STX8: variants seen among roughly 807,000 people sequenced by gnomAD.
STX8 encodes the protein syntaxin 8.
A neutral mutation model predicts 37.5 loss-of-function variants in STX8; 23 were observed. That is an observed-to-expected ratio of 0.61 (90% confidence interval 0.44 to 0.87). The LOEUF is 0.87. Ranked by LOEUF, STX8 falls within the 40% of genes least tolerant of loss-of-function variation. The pLI is 0.00. For missense variants in STX8, 313 were observed against 284.7 expected, an observed-to-expected ratio of 1.10 and a Z score of -0.71; for synonymous variants, 115 against 99.1, an observed-to-expected ratio of 1.16 and a Z score of -0.95.
chr17:9,345,069 G>A (rs892215608), intron 7 of STX8, among the ~76,000 whole-genome samples: 2 of 152,116 alleles, frequency 1.3e-5, no homozygotes, highest in South Asian at 4.1e-4. Flanking sequence ...CAGACGAGGG[G>A]CTGAAGAGCA....
chr17:9,387,709 G>A (rs1186024125), intron 6 of STX8, among the ~76,000 whole-genome samples: 2 of 152,134 alleles, frequency 1.3e-5, no homozygotes, highest in Non-Finnish European at 2.9e-5. Flanking sequence ...CTGTTCTCAC[G>A]CAACCGAATA....
At chr17:9,286,234 T>G (rs927615642) in intron 7 of STX8, among the ~76,000 whole-genome samples, 15 of 152,190 alleles carry the variant, frequency 9.9e-5, no homozygotes, top group African/African-American at 3.6e-4. Flanking sequence ...ACGAAAGTTA[T>G]TTAACTGTTA....
At chr17:9,386,400 A>G (rs1912014740) in intron 6 of STX8, among the ~76,000 whole-genome samples, 1 of 152,178 alleles carries the variant, frequency 6.6e-6, no homozygotes, top group African/African-American at 2.4e-5. Context: ...TAGACATCAG[A>G]AAGTGGTTGC....
intron 6 of STX8, chr17:9,464,718 CATTGT>C: frequency 7.6e-6 from 1 of 131,504 alleles, no homozygotes. Context: ...ATGCCAATCT[CATTGT>C]TTTTTTTTTT....
chr17:9,273,613 A>G lies in STX8; in HGVS notation c.644-22968T>C, dbSNP rs538850282. On this transcript the variant is annotated intron_variant, in intron 7 of 7. Coordinates refer to ENST00000306357, the MANE Select transcript of STX8 (RefSeq NM_004853.3). ...AGAGCTCGTCCCACATCCTTTCCTC[A>G]TGGCGCTACGCAGGTTAACACTGTC... is the stretch of plus-strand genomic sequence containing the variant. Among the ~76,000 whole-genome samples the G allele has an allele frequency of 2.0e-5, 3 of 152,332 alleles. No individual in the cohort carries two copies. The East Asian group carries it at 5.8e-4, about 29-fold the overall frequency.
At chr17:9,450,233 G>A (rs970203270) in intron 6 of STX8, among the ~76,000 whole-genome samples, 19 of 150,258 alleles carry the variant, frequency 1.3e-4, no homozygotes, top group South Asian at 4.2e-4. Context: ...GCGCCACCAC[G>A]CCCGGCTAAT....
At position 9,263,434 on chromosome 17, in the gene STX8, G is replaced by A. The variant is rs567517877; in HGVS notation, c.644-12789C>T. Among the ~76,000 whole-genome samples, 37 of 147,690 alleles carry A rather than the reference G, an allele frequency of 2.5e-4. No homozygotes were observed. In the South Asian group the frequency reaches 3.3e-3, roughly 13 times the overall value. On this transcript the variant is annotated intron_variant, in intron 7 of 7. Coordinates refer to ENST00000306357, the MANE Select transcript of STX8 (RefSeq NM_004853.3). ...GCGGAGGTTGCAGTGAGCCGAGATC[G>A]CGCCATTGCACTCCAGCCTGGGTAA... is the stretch of plus-strand genomic sequence containing the variant.
At position 9,526,329 on chromosome 17, in the gene STX8, G is replaced by A. The variant is rs74632942; in HGVS notation, c.323+18843C>T. Among the ~76,000 whole-genome samples the A allele has an allele frequency of 1.8e-3, 277 of 152,130 alleles. 1 individual carries two copies. Among genetic ancestry groups the A allele is most frequent in the African/African-American group, 6.4e-3 (267 of 41,492 alleles). On this transcript the variant is annotated intron_variant, in intron 4 of 7. Coordinates refer to ENST00000306357, the MANE Select transcript of STX8 (RefSeq NM_004853.3). ...AAGTAATCGCTTGAGTTATAACACC[G>A]TATCAGAAAGAAAAAAGTCAAACAC...
intron 1 of STX8, among the ~76,000 whole-genome samples, chr17:9,574,224 T>C (rs1907801836): frequency 6.7e-6 from 1 of 149,868 alleles, no homozygotes; most frequent in African/African-American, 2.5e-5. Context: ...TGAGCCATGA[T>C]CGCGCCATTG....
intron 7 of STX8, among the ~76,000 whole-genome samples, chr17:9,337,308 G>A (rs1910169650): frequency 6.6e-6 from 1 of 151,998 alleles, no homozygotes; most frequent in Non-Finnish European, 1.5e-5. Context: ...TGTCCATACT[G>A]GGATAGAGGA....
intron 7 of STX8, among the ~76,000 whole-genome samples, chr17:9,359,710 G>A (rs369629022): frequency 5.3e-5 from 8 of 151,742 alleles, no homozygotes; most frequent in South Asian, 2.1e-4. Flanking sequence ...GGGTTTCACC[G>A]TGTTAGCCAG....
At chr17:9,574,042 G>A (rs572996880) in intron 1 of STX8, among the ~76,000 whole-genome samples, 2 of 152,142 alleles carry the variant, frequency 1.3e-5, no homozygotes, top group African/African-American at 4.8e-5. Flanking sequence ...AGGCCAAGGC[G>A]GGCAGATTGC....
At chr17:9,563,991 AC>A (rs1907355808) in intron 2 of STX8, among the ~76,000 whole-genome samples, 1 of 152,252 alleles carries the variant, frequency 6.6e-6, no homozygotes, top group Non-Finnish European at 1.5e-5. Context: ...GACAAAACTT[AC>A]ATGATTATCT....
chr17:9,506,405 G>GCCCCCCCGCCCCCGCGCC (rs1471640649), intron 4 of STX8, among the ~76,000 whole-genome samples: 1 of 8,932 alleles, frequency 1.1e-4, no homozygotes, highest in African/African-American at 4.0e-4. Context: ...GTGCTCACCC[G>GCCCCCCCGCCCCCGCGCC]CTCCCCCCCC....
At chr17:9,508,358 ACT>A (rs555334630) in intron 4 of STX8, among the ~76,000 whole-genome samples, 129 of 152,220 alleles carry the variant, frequency 8.5e-4, no homozygotes, top group Non-Finnish European at 1.5e-3. Flanking sequence ...ACAGGTTCTT[ACT>A]CTGTCACCCA....
chr17:9,286,115 G>A (rs1331869513), intron 7 of STX8, among the ~76,000 whole-genome samples: 2 of 152,114 alleles, frequency 1.3e-5, no homozygotes, highest in African/African-American at 2.4e-5. Context: ...GTCAGTCTAC[G>A]TTTGATCCAA....
In STX8 at chr17:9,279,949, A is replaced by C. The variant is rs1278421187; in HGVS notation, c.644-29304T>G. Among the ~76,000 whole-genome samples the C allele has an allele frequency of 2.6e-5, 4 of 152,360 alleles. No homozygotes were observed. The East Asian group carries it at 5.8e-4, about 22-fold the overall frequency. On this transcript the variant is annotated intron_variant, in intron 7 of 7. Transcript: ENST00000306357. ...TAAGGCAGTTAAAATCAATCAGAAA[A>C]TATAACAGGGTGTGATGGCTTACAT... is the stretch of plus-strand genomic sequence containing the variant.
At chr17:9,476,158 G>A (rs138287747) in intron 6 of STX8, among the ~76,000 whole-genome samples, 1,868 of 152,316 alleles carry the variant, frequency 0.012, 50 homozygotes, top group African/African-American at 0.043. Flanking sequence ...CAGCATGGGC[G>A]ACAGAGCGAG....
In STX8 at chr17:9,539,030, A is replaced by G. The variant is rs545414368; in HGVS notation, c.323+6142T>C. Among the ~76,000 whole-genome samples the G allele has an allele frequency of 1.4e-4, 22 of 152,326 alleles. No homozygotes were observed. The East Asian group carries it at 3.1e-3, about 21-fold the overall frequency. ...CTGTTGCACAGAGACTTCTTTAACAAGTTTCCAAATACCCTAAATTAGTCA... is the reference window on the plus strand; with the variant it reads ...CTGTTGCACAGAGACTTCTTTAACAGGTTTCCAAATACCCTAAATTAGTCA... On this transcript the variant is annotated intron_variant, in intron 4 of 7. Coordinates refer to ENST00000306357, the MANE Select transcript of STX8 (RefSeq NM_004853.3).
Sources: gnomAD v4.1 joint callset for allele counts (sites outside exome capture counted in the v4.1 genomes callset) on GRCh38, gnomAD v4.1.1 for gene constraint, MANE v1.5 for transcripts, NCBI Gene and HGNC (gene_info 2026-07-23, HGNC 2026-07-21) for gene names.